SLC13A3: variants seen among roughly 807,000 people sequenced by gnomAD.
The protein encoded by SLC13A3 is Na(+)/dicarboxylate cotransporter 3.
A neutral mutation model predicts 59.0 loss-of-function variants in SLC13A3; 40 were observed. The observed-to-expected ratio is 0.68, with a 90% CI of 0.53 to 0.88. The LOEUF is 0.88. Among genes scored for constraint, SLC13A3 ranks in the 40% least tolerant of loss-of-function variants. The pLI, the probability that SLC13A3 is intolerant of heterozygous loss-of-function variation, is 0.00. For synonymous variants in SLC13A3, 317 were observed against 330.3 expected (o/e 0.96, Z 0.44); for missense variants, 699 against 783.2 (o/e 0.89, Z 1.28).
At position 46,558,884 on chromosome 20, in the gene SLC13A3, A is replaced by G. The variant is rs1056652323; in HGVS notation, c.*1138T>C. 6.6e-6 allele frequency: 1 copy of G among 151,862 alleles called. No homozygotes were observed. The highest frequency in any genetic ancestry group is 2.4e-5 in the African/African-American group (1 of 41,310). 9.4% of individuals were successfully genotyped at this position (151,862 alleles called of 1,614,324 possible). ...CTGAGGGCCTGAGCTCTTCACTGGGATGCCAGAATGCTTCTGCTTGGAACA... is the reference window on the plus strand; with the variant it reads ...CTGAGGGCCTGAGCTCTTCACTGGGGTGCCAGAATGCTTCTGCTTGGAACA... On this transcript the variant is annotated 3_prime_UTR_variant, in exon 13 of 13. Coordinates refer to ENST00000279027, the MANE Select transcript of SLC13A3 (RefSeq NM_022829.6).
upstream of SLC13A3, among the ~76,000 whole-genome samples, chr20:46,674,289 G>A (rs560739684): frequency 2.4e-3 from 360 of 152,274 alleles, 2 homozygotes; most frequent in African/African-American, 8.4e-3. Flanking sequence ...CTGGAGGGGG[G>A]ATTAGTTCCC....
At chr20:46,679,261 G>C (rs537731447) in intron 1 of SLC13A3, among the ~76,000 whole-genome samples, 1 of 152,140 alleles carries the variant, frequency 6.6e-6, no homozygotes, top group African/African-American at 2.4e-5. Context: ...TGTCCAAAAG[G>C]AATAAGAAGG....
chr20:46,616,554 A>C (rs1032293094), intron 1 of SLC13A3, among the ~76,000 whole-genome samples: 1 of 152,196 alleles, frequency 6.6e-6, no homozygotes, highest in African/African-American at 2.4e-5. Context: ...AAGCTCCCCC[A>C]ACAAGAAGCT....
intron 1 of SLC13A3, among the ~76,000 whole-genome samples, chr20:46,664,373 T>G (rs1047670584): frequency 2.0e-5 from 3 of 152,204 alleles, no homozygotes; most frequent in Non-Finnish European, 2.9e-5. Flanking sequence ...GGCATTGGTC[T>G]ATGTTAGATG....
At chr20:46,611,333 A>T (rs559510919) in intron 2 of SLC13A3, among the ~76,000 whole-genome samples, 2 of 152,134 alleles carry the variant, frequency 1.3e-5, no homozygotes, top group East Asian at 3.9e-4. Context: ...GAGCAGCCCT[A>T]CTCATTATTC....
At chr20:46,634,502 T>C (rs780048665) in intron 1 of SLC13A3, among the ~76,000 whole-genome samples, 28 of 152,168 alleles carry the variant, frequency 1.8e-4, no homozygotes, top group Middle Eastern at 3.2e-3. Flanking sequence ...GCAGCAAACC[T>C]GCCCCAGGAG....
upstream of SLC13A3, among the ~76,000 whole-genome samples, chr20:46,655,526 G>C (rs1261449595): frequency 6.8e-6 from 1 of 146,998 alleles, no homozygotes; most frequent in Non-Finnish European, 1.5e-5. Context: ...TTTTTATATA[G>C]TATATATTAT....
intron 1 of SLC13A3, among the ~76,000 whole-genome samples, chr20:46,619,715 T>C (rs1422674634): frequency 6.6e-6 from 1 of 152,176 alleles, no homozygotes; most frequent in African/African-American, 2.4e-5. Context: ...GCTTTTCCTT[T>C]TGCCAGGAAC....
At chr20:46,676,912 A>G (rs560231719) in intron 1 of SLC13A3, among the ~76,000 whole-genome samples, 1 of 151,470 alleles carries the variant, frequency 6.6e-6, no homozygotes, top group Non-Finnish European at 1.5e-5. Context: ...GTAGTTCCAA[A>G]TTCATCAGCT....
At position 46,558,905 on chromosome 20, in the gene SLC13A3, G is replaced by A. The variant is rs2061907605; in HGVS notation, c.*1117C>T. 1 of 151,774 alleles carries A rather than the reference G, an allele frequency of 6.6e-6. No individual in the cohort carries two copies. Among genetic ancestry groups the A allele is most frequent in the African/African-American group, 2.4e-5 (1 of 41,282 alleles). The allele number at this position is 151,774 out of a possible 1,614,324, so 9.4% of individuals were successfully genotyped here. On this transcript the variant is annotated 3_prime_UTR_variant, in exon 13 of 13. Transcript: ENST00000279027. The stretch of plus-strand genomic sequence containing the variant: ...TGGGATGCCAGAATGCTTCTGCTTG[G>A]AACAAAGAGGGATTAACCCTTGAAG...
chr20:46,575,624 C>G lies in SLC13A3; in HGVS notation c.1281G>C (p.Trp427Cys). The G allele has an allele frequency of 6.2e-7, 1 of 1,608,512 alleles. No individual in the cohort carries two copies. The highest frequency in any genetic ancestry group is 8.5e-7 in the Non-Finnish European group (1 of 1,177,422). Residue 427 changes from tryptophan (W) to cysteine (C), a missense_variant, in exon 10 of 13, where the codon TGG becomes TGC. By Grantham distance (215) the Trp-to-Cys change is radical (BLOSUM62 -2). Coordinates refer to ENST00000279027, the MANE Select transcript of SLC13A3 (RefSeq NM_022829.6). ...CCCCTCCCAGGAGAAGGATGATGTT[C>G]CAGGGCACTGTCTCCTGGGCCTTCT... ...TWKKAQETVP[W>C]NIILLLGGGF...
chr20:46,575,174 C>T (rs1482891469), intron 10 of SLC13A3, among the ~76,000 whole-genome samples: 2 of 152,140 alleles, frequency 1.3e-5, no homozygotes, highest in South Asian at 2.1e-4. Flanking sequence ...GAGAGGGTCT[C>T]ACTATATTGC....
intron 3 of SLC13A3, chr20:46,608,862 A>G: frequency 1.3e-6 from 2 of 1,546,072 alleles, no homozygotes; most frequent in Non-Finnish European, 1.7e-6. Flanking sequence ...ATCTCTCAAG[A>G]TGTGGCTCCT....
intron 1 of SLC13A3, among the ~76,000 whole-genome samples, chr20:46,630,540 T>C (rs547480006): frequency 1.3e-5 from 2 of 152,350 alleles, no homozygotes; most frequent in East Asian, 1.9e-4. Flanking sequence ...CTCTTCTTCA[T>C]ATGCTGGCGA....
intron 11 of SLC13A3, among the ~76,000 whole-genome samples, chr20:46,564,407 T>A (rs1237933587): frequency 6.6e-6 from 1 of 152,232 alleles, no homozygotes; most frequent in Non-Finnish European, 1.5e-5. Context: ...ACCCAAAGCA[T>A]ATTTATTTTC....
chr20:46,620,456 G>T (rs2062603411), intron 1 of SLC13A3, among the ~76,000 whole-genome samples: 1 of 152,124 alleles, frequency 6.6e-6, no homozygotes, highest in African/African-American at 2.4e-5. Flanking sequence ...CCCTATCAGA[G>T]CAACATGAAT....
chr20:46,593,564 T>C (rs1168127902), intron 5 of SLC13A3, among the ~76,000 whole-genome samples: 1 of 152,210 alleles, frequency 6.6e-6, no homozygotes, highest in Non-Finnish European at 1.5e-5. Context: ...TTTTCTACAA[T>C]GAATAAGTAT....
At chr20:46,653,372 A>G (rs1413932062), upstream of SLC13A3, among the ~76,000 whole-genome samples, 2 of 152,184 alleles carry the variant, frequency 1.3e-5, no homozygotes, top group Admixed American at 6.5e-5. Flanking sequence ...AGAAGTGTCC[A>G]AGGAAGAGAA....
intron 1 of SLC13A3, among the ~76,000 whole-genome samples, chr20:46,632,914 TC>T (rs1568947692): frequency 0.021 from 361 of 17,554 alleles, 3 homozygotes; most frequent in Middle Eastern, 0.045. Flanking sequence ...GATAGATATA[TC>T]TATCTATCTA....
Sources: gnomAD v4.1 joint callset for allele counts (sites outside exome capture counted in the v4.1 genomes callset) on GRCh38, gnomAD v4.1.1 for gene constraint, MANE v1.5 for transcripts, NCBI Gene and HGNC (gene_info 2026-07-23, HGNC 2026-07-21) for gene names.